Variants in RAPGEF5 observed in about 807,000 individuals in gnomAD.
RAPGEF5 encodes Rap guanine nucleotide exchange factor 5, also known as M-Ras-regulated GEF.
A neutral mutation model predicts 125.2 loss-of-function variants in RAPGEF5; 65 were observed. The ratio of observed to expected loss-of-function variants is 0.52; its 90% CI spans 0.43 to 0.64. The LOEUF (loss-of-function observed/expected upper bound fraction) is 0.64, where lower values mean the gene tolerates loss of function less well. Among genes scored for constraint, RAPGEF5 ranks in the 30% least tolerant of loss-of-function variants. The probability of loss-of-function intolerance (pLI) is 0.00; values close to 1 mark genes in which losing one functional copy is unlikely to be tolerated. For synonymous variants in RAPGEF5, 391 were observed against 385.9 expected (o/e 1.01, Z -0.16); for missense variants, 958 against 1,048.1 (o/e 0.91, Z 1.19).
At position 22,125,604 on chromosome 7, in the gene RAPGEF5, C is replaced by T. The variant is rs1298894286; in HGVS notation, c.2536G>A (p.Gly846Ser). 1 of 1,610,146 alleles carries T rather than the reference C, an allele frequency of 6.2e-7. No individual in the cohort carries two copies. The highest frequency in any genetic ancestry group is 1.3e-5 in the African/African-American group (1 of 74,814). Residue 846 changes from glycine (G) to serine (S), a missense_variant and splice_region_variant, in exon 25 of 26, where the codon GGT (glycine) becomes AGT (serine). Gly to Ser is a moderately conservative substitution (Grantham distance 56). Coordinates refer to ENST00000665637, the MANE Select transcript of RAPGEF5 (RefSeq NM_012294.5). ...TCCGCACCTGACTTCAATTACTCAC[C>T]AAACTGGTTAGTCCTGCAGTGTCTC... The part of the protein sequence containing the change: ...TLRHCRTNQF[G>S]DLSPKEHQEL...
At chr7:22,302,923 A>C (rs768399956) in intron 5 of RAPGEF5, among the ~76,000 whole-genome samples, 3 of 152,090 alleles carry the variant, frequency 2.0e-5, no homozygotes, top group Non-Finnish European at 4.4e-5. Context: ...CTCTATCTTA[A>C]TCACAGCATA....
chr7:22,167,773 C>T (rs1030446758), intron 11 of RAPGEF5, among the ~76,000 whole-genome samples: 3 of 152,168 alleles, frequency 2.0e-5, no homozygotes, highest in Non-Finnish European at 2.9e-5. Flanking sequence ...TCACAACATA[C>T]TTCTTCCTAA....
intron 7 of RAPGEF5, among the ~76,000 whole-genome samples, chr7:22,255,267 TA>T (rs1169741801): frequency 1.3e-5 from 2 of 152,172 alleles, no homozygotes; most frequent in African/African-American, 2.4e-5. Context: ...TCTAGCCTCT[TA>T]AAAATAATAA....
chr7:22,144,998 T>C, intron 20 of RAPGEF5, 46 bp downstream of exon 20: 1 of 1,577,018 alleles, frequency 6.3e-7, no homozygotes, highest in Non-Finnish European at 8.6e-7. Context: ...CAATGTACTC[T>C]CTCAAGAAGA....
intron 1 of RAPGEF5, among the ~76,000 whole-genome samples, chr7:22,319,612 T>C (rs1420298544): frequency 6.6e-6 from 1 of 152,212 alleles, no homozygotes; most frequent in Non-Finnish European, 1.5e-5. Flanking sequence ...ACCATGAGCC[T>C]ATGTAATATA....
intron 7 of RAPGEF5, among the ~76,000 whole-genome samples, chr7:22,257,723 A>G (rs962773722): frequency 2.6e-5 from 4 of 152,212 alleles, no homozygotes; most frequent in African/African-American, 9.7e-5. Flanking sequence ...ACAGTAATAT[A>G]TATCTTGTTG....
At chr7:22,276,572 T>C (rs1179005008) in intron 6 of RAPGEF5, among the ~76,000 whole-genome samples, 2 of 152,206 alleles carry the variant, frequency 1.3e-5, no homozygotes, top group Admixed American at 6.5e-5. Context: ...GATATTGGGA[T>C]AAACTCAGAT....
chr7:22,215,202 C>A (rs1785607441), intron 9 of RAPGEF5, among the ~76,000 whole-genome samples: 1 of 152,124 alleles, frequency 6.6e-6, no homozygotes, highest in African/African-American at 2.4e-5. Flanking sequence ...CCCTCCCACA[C>A]CCCCAATTCT....
chr7:22,154,370 C>T, intron 17 of RAPGEF5, 85 bp downstream of exon 17: 2 of 1,469,320 alleles, frequency 1.4e-6, no homozygotes, highest in Non-Finnish European at 1.8e-6. Flanking sequence ...GGAGGAGCTG[C>T]ACTTTTACTC....
chr7:22,157,580 C>A (rs1249363216), intron 15 of RAPGEF5, among the ~76,000 whole-genome samples: 1 of 152,150 alleles, frequency 6.6e-6, no homozygotes, highest in Non-Finnish European at 1.5e-5. Flanking sequence ...TTATATCACT[C>A]CAGGGATAGC....
intron 7 of RAPGEF5, among the ~76,000 whole-genome samples, chr7:22,240,761 T>C (rs1001351745): frequency 6.6e-5 from 10 of 152,158 alleles, no homozygotes; most frequent in Non-Finnish European, 1.3e-4. Context: ...CAGTAAAATA[T>C]TGAGCAGCAA....
At chr7:22,161,537 A>AACACAC (rs369030719) in intron 13 of RAPGEF5, among the ~76,000 whole-genome samples, 28,717 of 135,782 alleles carry the variant, frequency 0.21, 3,579 homozygotes, top group Non-Finnish European at 0.29. Context: ...ACCCTGTCTC[A>AACACAC]ACACACACAC....
intron 5 of RAPGEF5, among the ~76,000 whole-genome samples, chr7:22,303,110 G>C (rs971427534): frequency 1.3e-5 from 2 of 152,194 alleles, no homozygotes; most frequent in African/African-American, 2.4e-5. Flanking sequence ...GGTAGTGTTA[G>C]AAGCATCTTA....
intron 18 of RAPGEF5, among the ~76,000 whole-genome samples, chr7:22,147,684 A>G (rs966205875): frequency 6.6e-6 from 1 of 152,242 alleles, no homozygotes; most frequent in Non-Finnish European, 1.5e-5. Flanking sequence ...AAAGTATTAG[A>G]TGCCATCACA....
chr7:22,163,028 T>C (rs1345513771), intron 12 of RAPGEF5: 3 of 456,106 alleles, frequency 6.6e-6, no homozygotes, highest in Non-Finnish European at 1.3e-5. Flanking sequence ...ACAGAATTTG[T>C]AACATGATTC....
chr7:22,185,251 G>A (rs540297326), intron 11 of RAPGEF5, among the ~76,000 whole-genome samples: 148 of 152,260 alleles, frequency 9.7e-4, no homozygotes, highest in Admixed American at 2.0e-3. Flanking sequence ...TGGCTTCTAT[G>A]TCCATTAAAT....
chr7:22,198,712 C>T (rs867582215), intron 9 of RAPGEF5, among the ~76,000 whole-genome samples: 14 of 152,166 alleles, frequency 9.2e-5, no homozygotes, highest in South Asian at 4.1e-4. Context: ...GCAGATAAAC[C>T]TATGACAACT....
At chr7:22,312,318 C>A (rs1783490778) in intron 3 of RAPGEF5, among the ~76,000 whole-genome samples, 1 of 152,122 alleles carries the variant, frequency 6.6e-6, no homozygotes, top group Admixed American at 6.6e-5. Context: ...AAGCGATTCT[C>A]CTGCCTCAGC....
chr7:22,313,122 G>A (rs992641611), intron 3 of RAPGEF5, among the ~76,000 whole-genome samples: 5 of 152,188 alleles, frequency 3.3e-5, no homozygotes, highest in African/African-American at 1.2e-4. Flanking sequence ...CAAAGCCCAT[G>A]TGACTGCTTA....
Sources: allele counts gnomAD v4.1 joint callset (sites outside exome capture counted in the v4.1 genomes callset), GRCh38; gene constraint gnomAD v4.1.1; transcripts MANE v1.5; gene names NCBI Gene and HGNC (gene_info 2026-07-23, HGNC 2026-07-21).